Variants in JAK1 observed in about 807,000 individuals in gnomAD.
JAK1 encodes Janus kinase 1.
JAK1 carries 16 observed loss-of-function variants against 136.6 expected under a neutral mutation model. The ratio of observed to expected loss-of-function variants is 0.12; its 90% confidence interval spans 0.08 to 0.18. The LOEUF (loss-of-function observed/expected upper bound fraction) is 0.18. Among genes scored for constraint, JAK1 ranks in the 10% least tolerant of loss-of-function variants. The pLI is 1.00. For synonymous variants in JAK1, 492 were observed against 519.5 expected (o/e 0.95, Z 0.72); for missense variants, 859 against 1,450.1 (o/e 0.59, Z 6.62).
intron 1 of JAK1, among the ~76,000 whole-genome samples, chr1:64,924,198 G>C (rs964443772): frequency 6.6e-6 from 1 of 152,122 alleles, no homozygotes; most frequent in Admixed American, 6.6e-5. Flanking sequence ...AAACAAAATA[G>C]TGTAGTATCT....
intron 11 of JAK1, among the ~76,000 whole-genome samples, chr1:64,853,421 C>T: frequency 6.6e-6 from 1 of 152,198 alleles, no homozygotes; most frequent in East Asian, 1.9e-4. Flanking sequence ...CAAATCCCCA[C>T]TCATCCTCTA....
At chr1:64,926,637 T>C (rs1645588546) in intron 1 of JAK1, among the ~76,000 whole-genome samples, 1 of 152,290 alleles carries the variant, frequency 6.6e-6, no homozygotes, top group South Asian at 2.1e-4. Context: ...GCTGCCATTC[T>C]ATACACATTT....
At chr1:65,003,118 T>C (rs1351829017) in intron 2 of JAK1, among the ~76,000 whole-genome samples, 1 of 151,400 alleles carries the variant, frequency 6.6e-6, no homozygotes, top group East Asian at 2.0e-4. Flanking sequence ...GCACAATTCT[T>C]ACCGTGGAAC....
At chr1:64,864,013 A>G (rs1656533194) in intron 8 of JAK1, among the ~76,000 whole-genome samples, 1 of 152,246 alleles carries the variant, frequency 6.6e-6, no homozygotes, top group South Asian at 2.1e-4. Context: ...TATATCAGAA[A>G]GACAAGTTAT....
At chr1:64,907,129 C>T (rs1343051650) in intron 1 of JAK1, among the ~76,000 whole-genome samples, 1 of 151,924 alleles carries the variant, frequency 6.6e-6, no homozygotes, top group African/African-American at 2.4e-5. Context: ...GGGAGGGGAA[C>T]AATTCAGATG....
intron 2 of JAK1, among the ~76,000 whole-genome samples, chr1:65,044,095 A>T (rs1222150698): frequency 3.3e-5 from 5 of 152,108 alleles, no homozygotes; most frequent in Non-Finnish European, 4.4e-5. Flanking sequence ...GACCCCAGGT[A>T]ATCCACCTGC....
At chr1:65,037,329 T>TG (rs112660520) in intron 2 of JAK1, among the ~76,000 whole-genome samples, 4,916 of 151,842 alleles carry the variant, frequency 0.032, 84 homozygotes, top group Non-Finnish European at 0.038. Context: ...TTTTTAGAGA[T>TG]GGGGGGGGTC....
chr1:64,879,405 C>T lies in JAK1; in HGVS notation c.206-257G>A, dbSNP rs184494836. Among the ~76,000 whole-genome samples the T allele has an allele frequency of 2.0e-5, 3 of 152,238 alleles. No individual in the cohort carries two copies. In the East Asian group the frequency reaches 5.8e-4, roughly 29 times the overall value. On this transcript the variant is annotated intron_variant, in intron 3 of 24. Coordinates refer to ENST00000342505, the MANE Select transcript of JAK1 (RefSeq NM_002227.4). The stretch of plus-strand genomic sequence containing the variant: ...AAATTTAGATCATTTAAAAATAAAA[C>T]TCTGATGATATTTCTCATTACAGGT...
intron 17 of JAK1, among the ~76,000 whole-genome samples, chr1:64,842,975 G>A (rs1019159619): frequency 2.0e-5 from 3 of 151,932 alleles, no homozygotes; most frequent in African/African-American, 4.8e-5. Flanking sequence ...TGAGAGACTC[G>A]GGGCCCCTGT....
chr1:64,839,162 A>G (rs1401522979), intron 20 of JAK1, among the ~76,000 whole-genome samples: 2 of 151,742 alleles, frequency 1.3e-5, no homozygotes, highest in African/African-American at 4.8e-5. Context: ...AAAAAAAAAA[A>G]AAAAAAAATT....
intron 8 of JAK1, among the ~76,000 whole-genome samples, 199 bp from the exon 9 acceptor site, chr1:64,860,461 T>C (rs189567887): frequency 0.054 from 8,014 of 148,342 alleles, 343 homozygotes; most frequent in Admixed American, 0.14. Flanking sequence ...TATTTATTTA[T>C]TTATTTATTT....
chr1:64,892,732 T>C (rs1644958180), intron 1 of JAK1, among the ~76,000 whole-genome samples: 1 of 152,214 alleles, frequency 6.6e-6, no homozygotes, highest in South Asian at 2.1e-4. Context: ...CCCCTTCAGA[T>C]GGGAAGACTC....
chr1:65,051,359 A>G (rs907542581), intron 1 of JAK1, among the ~76,000 whole-genome samples: 1 of 152,196 alleles, frequency 6.6e-6, no homozygotes, highest in Non-Finnish European at 1.5e-5. Context: ...GTCCCTATCA[A>G]TATAAATCTG....
At chr1:64,872,328 T>C (rs559076513) in intron 5 of JAK1, among the ~76,000 whole-genome samples, 2 of 152,220 alleles carry the variant, frequency 1.3e-5, no homozygotes, top group South Asian at 2.1e-4. Context: ...ATGGAAGAAA[T>C]AGTCCCCCAC....
At chr1:64,856,115 T>C (rs554332294) in intron 10 of JAK1, among the ~76,000 whole-genome samples, 4 of 152,312 alleles carry the variant, frequency 2.6e-5, no homozygotes, top group Non-Finnish European at 5.9e-5. Flanking sequence ...ATAATTATGA[T>C]GGCACAACTT....
intron 2 of JAK1, among the ~76,000 whole-genome samples, chr1:65,001,586 G>T (rs1005019102): frequency 1.3e-5 from 2 of 151,754 alleles, no homozygotes; most frequent in African/African-American, 4.8e-5. Flanking sequence ...TGTCTAAGAG[G>T]TAGCAAGTGT....
chr1:65,052,364 T>C (rs773328000), intron 1 of JAK1, among the ~76,000 whole-genome samples: 1 of 152,078 alleles, frequency 6.6e-6, no homozygotes, highest in African/African-American at 2.4e-5. Flanking sequence ...TCATGCTTCA[T>C]GAAGAATTCT....
At chr1:64,953,234 G>A (rs1448078840) in intron 1 of JAK1, among the ~76,000 whole-genome samples, 1 of 152,180 alleles carries the variant, frequency 6.6e-6, no homozygotes, top group Non-Finnish European at 1.5e-5. Context: ...GTTAAATGCT[G>A]CTGGATCCCA....
chr1:65,016,446 A>T (rs1646892694), intron 2 of JAK1, among the ~76,000 whole-genome samples: 2 of 152,098 alleles, frequency 1.3e-5, no homozygotes, highest in Admixed American at 1.3e-4. Flanking sequence ...ACATAGTGAA[A>T]CCCTGTCTCT....
Sources: gnomAD v4.1 joint callset for allele counts (sites outside exome capture counted in the v4.1 genomes callset) on GRCh38, gnomAD v4.1.1 for gene constraint, MANE v1.5 for transcripts, NCBI Gene and HGNC (gene_info 2026-07-23, HGNC 2026-07-21) for gene names.